The following ERMP1 variants were observed in gnomAD, a reference collection of about 807,000 sequenced individuals.
ERMP1 encodes the protein Felix-ina.
A neutral mutation model predicts 92.0 loss-of-function variants in ERMP1; 86 were observed. That is an observed-to-expected ratio of 0.93 (90% CI 0.79 to 1.12). The LOEUF is 1.12. Among genes scored for constraint, ERMP1 ranks in the 50% most tolerant of loss-of-function variants. The pLI is 0.00. For missense variants in ERMP1, 1,342 were observed against 1,116.3 expected, an observed-to-expected ratio of 1.20 and a Z score of -2.88; for synonymous variants, 530 against 412.8, an observed-to-expected ratio of 1.28 and a Z score of -3.44.
chr9:5,840,017 G>A (rs1487293547), intron 6 of ERMP1, among the ~76,000 whole-genome samples: 10 of 152,168 alleles, frequency 6.6e-5, no homozygotes, highest in Non-Finnish European at 1.2e-4. Flanking sequence ...TGAGGTGGGC[G>A]AATCACTTGA....
At chr9:5,810,820 T>C (rs923287762) in intron 7 of ERMP1, among the ~76,000 whole-genome samples, 2 of 152,226 alleles carry the variant, frequency 1.3e-5, no homozygotes, top group African/African-American at 4.8e-5. Context: ...GTCTGTAGTG[T>C]GGACTTTTTA....
chr9:5,812,112 T>A lies in ERMP1; in HGVS notation c.1114+13A>T, dbSNP rs189715322. 6.5e-7 allele frequency: 1 copy of A among 1,541,392 alleles called. No individual in the cohort carries two copies. The highest frequency in any genetic ancestry group is 2.2e-5 in the East Asian group (1 of 44,542). On this transcript the variant is annotated intron_variant, in intron 6 of 14. Transcript: ENST00000339450. ...TCTTAGTGTATATCAAAAGTCTAAATTGGAATACCAACCTGCTCTCTGAAT... is the reference window on the plus strand; with the variant it reads ...TCTTAGTGTATATCAAAAGTCTAAAATGGAATACCAACCTGCTCTCTGAAT...
In ERMP1 at chr9:5,786,879, TA is replaced by T; in HGVS notation, c.*264del. The stretch of plus-strand genomic sequence containing the variant: ...TGTTGGCTTTGTCCTTAAGGTCATA[TA>T]AAATGACGTGTGTGTAGTGGCAGTA... On this transcript the variant is annotated 3_prime_UTR_variant, in exon 15 of 15. Transcript: ENST00000339450. The T allele has an allele frequency of 3.6e-6, 1 of 280,124 alleles. No individual in the cohort carries two copies. Among genetic ancestry groups the T allele is most frequent in the Non-Finnish European group, 6.7e-6 (1 of 148,634 alleles). 17.4% of individuals were successfully genotyped at this position (280,124 alleles called of 1,614,324 possible).
rs116835289 is a variant in ERMP1 at position 5,857,474 on chromosome 9, G to A, written n.3199+1994C>T. 9.2e-3 allele frequency among the ~76,000 whole-genome samples: 1,394 copies of A among 152,216 alleles called. 10 individuals carry two copies. The highest frequency in any genetic ancestry group is 0.032 in the African/African-American group (1,336 of 41,518). On this transcript the variant is annotated intron_variant and non_coding_transcript_variant, in intron 6 of 6. Transcript: ENST00000690753. The stretch of plus-strand genomic sequence containing the variant: ...CAAAAGTGCCATGAAAATTGATTTG[G>A]GGATTACAAATAGATTTTAGTGAGT...
intron 4 of ERMP1, among the ~76,000 whole-genome samples, chr9:5,817,793 C>T (rs1296407974): frequency 6.6e-6 from 1 of 151,986 alleles, no homozygotes; most frequent in Non-Finnish European, 1.5e-5. Context: ...TCAGCAGACC[C>T]ACAGCATCCT....
At chr9:5,816,549 T>A (rs1244949874) in intron 4 of ERMP1, among the ~76,000 whole-genome samples, 1 of 152,232 alleles carries the variant, frequency 6.6e-6, no homozygotes, top group East Asian at 1.9e-4. Context: ...CATCTAAAGT[T>A]GGTATTACCT....
At chr9:5,791,170 A>G (rs1828179042) in intron 13 of ERMP1, 13 of 456,058 alleles carry the variant, frequency 2.9e-5, no homozygotes, top group South Asian at 2.0e-4. Flanking sequence ...CAGGATGTGT[A>G]CAGAGAGAAA....
intron 5 of ERMP1, 101 bp downstream of exon 5, chr9:5,812,788 T>C (rs747534648): frequency 7.4e-5 from 97 of 1,302,336 alleles, no homozygotes; most frequent in Non-Finnish European, 9.8e-5. Context: ...CATAAAGAAT[T>C]TGATCTCAGA....
At chr9:5,860,533 A>G (rs1169197478) in intron 5 of ERMP1, among the ~76,000 whole-genome samples, 1 of 152,128 alleles carries the variant, frequency 6.6e-6, no homozygotes, top group Non-Finnish European at 1.5e-5. Context: ...AACGTAACCA[A>G]TGGCAAGTGA....
intron 13 of ERMP1, among the ~76,000 whole-genome samples, chr9:5,790,854 A>T (rs1446503185): frequency 1.3e-5 from 2 of 152,236 alleles, no homozygotes; most frequent in Non-Finnish European, 2.9e-5. Flanking sequence ...AGACACATCA[A>T]TTGAGCTTTG....
intron 12 of ERMP1, 116 bp from the exon 13 acceptor site, chr9:5,798,048 G>C (rs751095013): frequency 1.1e-4 from 79 of 715,680 alleles, no homozygotes; most frequent in Non-Finnish European, 1.8e-4. Context: ...TAAACTGACA[G>C]ACATGATAAG....
In ERMP1 at chr9:5,803,094, T is replaced by C. The variant is rs138732070; in HGVS notation, c.1915-1766A>G. 4.9e-4 allele frequency among the ~76,000 whole-genome samples: 74 copies of C among 152,284 alleles called. 1 individual carries two copies. In the East Asian group the frequency reaches 0.011, roughly 23 times the overall value. ...GATTGCTTGACAAGACTTTAATTGC[T>C]TTCTAGCAGATGTATTTAATAAATC... On this transcript the variant is annotated intron_variant, in intron 10 of 14. Coordinates refer to ENST00000339450, the MANE Select transcript of ERMP1 (RefSeq NM_024896.3).
chr9:5,847,425 G>A (rs564234633), intron 6 of ERMP1, among the ~76,000 whole-genome samples: 1 of 152,190 alleles, frequency 6.6e-6, no homozygotes, highest in East Asian at 1.9e-4. Flanking sequence ...TTTTAGTAGA[G>A]AAGGAGTTTC....
rs200754622 is a variant in ERMP1 at position 5,811,279 on chromosome 9, T to C, written c.1159A>G (p.Met387Val). The change falls in exon 7 of 15, where the codon ATG becomes GTG. Residue 387 changes from methionine to valine, a missense_variant. Physicochemically the swap from Met to Val is conservative, Grantham distance 21. Transcript: ENST00000339450. ...CGATACTTAGAAGCAGCAGCCAGCA[T>C]ATCAGATGTAGCTAGATGCTTAAGA... ...AVLKHLATSD[M>V]LAAASKYRHG... 6.2e-7 allele frequency: 1 copy of C among 1,613,504 alleles called. No individual in the cohort carries two copies. The highest frequency in any genetic ancestry group is 1.3e-5 in the African/African-American group (1 of 74,734).
chr9:5,798,135 T>A (rs776583142), intron 12 of ERMP1, among the ~76,000 whole-genome samples: 1 of 152,194 alleles, frequency 6.6e-6, no homozygotes, highest in Non-Finnish European at 1.5e-5. Flanking sequence ...GTAACCTAGG[T>A]GATCTTGATT....
At chr9:5,818,712 C>CAA (rs112496938) in intron 4 of ERMP1, among the ~76,000 whole-genome samples, 1 of 126,984 alleles carries the variant, frequency 7.9e-6, no homozygotes, top group African/African-American at 2.9e-5. Context: ...GATCCTATCT[C>CAA]AAAAAAAAAA....
chr9:5,850,717 T>C (rs1194157525), intron 6 of ERMP1, among the ~76,000 whole-genome samples: 19 of 152,196 alleles, frequency 1.2e-4, no homozygotes, highest in Non-Finnish European at 1.5e-5. Context: ...CAGGCAATTG[T>C]ATAATTTTGG....
chr9:5,864,783 T>C (rs1830603377), intron 5 of ERMP1, among the ~76,000 whole-genome samples: 1 of 152,192 alleles, frequency 6.6e-6, no homozygotes, highest in African/African-American at 2.4e-5. Flanking sequence ...TTCTGAACTT[T>C]AGTTAGGAGG....
In ERMP1 at chr9:5,785,380, C is replaced by T. The variant is rs1284345693; in HGVS notation, c.*1764G>A. 2.0e-5 allele frequency: 3 copies of T among 152,102 alleles called. No homozygotes were observed. Among genetic ancestry groups the T allele is most frequent in the Non-Finnish European group, 4.4e-5 (3 of 68,018 alleles). The allele number at this position is 152,102 out of a possible 1,614,324, so 9.4% of individuals were successfully genotyped here. A position where few individuals can be genotyped will look rare whatever the true frequency, so the allele number is the denominator to read the frequency against. ...TTTTCTCCACAACTGTGATTCTATA[C>T]AAAATATAAACCCTGCAAACCTTAT... On this transcript the variant is annotated 3_prime_UTR_variant, in exon 15 of 15. Coordinates refer to ENST00000339450, the MANE Select transcript of ERMP1 (RefSeq NM_024896.3).
Sources: allele counts gnomAD v4.1 joint callset (sites outside exome capture counted in the v4.1 genomes callset), GRCh38; gene constraint gnomAD v4.1.1; transcripts MANE v1.5; gene names NCBI Gene and HGNC (gene_info 2026-07-23, HGNC 2026-07-21).